The following FBLN5 variants were observed in gnomAD, a reference collection of about 807,000 sequenced individuals.
FBLN5 encodes fibulin 5.
A neutral mutation model predicts 61.6 loss-of-function variants in FBLN5; 24 were observed. The ratio of observed to expected loss-of-function variants is 0.39; its 90% confidence interval spans 0.28 to 0.55. The LOEUF (loss-of-function observed/expected upper bound fraction) is 0.55. Ranked by LOEUF, FBLN5 falls within the 20% of genes least tolerant of loss-of-function variation. FBLN5 has a pLI of 0.65. For synonymous variants in FBLN5, 213 were observed against 219.8 expected, an observed-to-expected ratio of 0.97 and a Z score of 0.27; for missense variants, 470 against 594.1, an observed-to-expected ratio of 0.79 and a Z score of 2.17.
chr14:91,945,477 C>T lies in FBLN5; in HGVS notation c.17+1736G>A, dbSNP rs540527342. Among the ~76,000 whole-genome samples the T allele has an allele frequency of 3.2e-4, 49 of 152,240 alleles. No individual in the cohort carries two copies. The South Asian group carries it at 3.5e-3, about 11-fold the overall frequency. The stretch of plus-strand genomic sequence containing the variant: ...GCCATAACAACCAGGCTGTGGGTAG[C>T]AACAAGACTTCCTGGAGAAGGTGAT... On this transcript the variant is annotated intron_variant, in intron 1 of 10. Coordinates refer to ENST00000342058, the MANE Select transcript of FBLN5 (RefSeq NM_006329.4).
At chr14:91,884,052 A>T (rs1231858916) in intron 7 of FBLN5, among the ~76,000 whole-genome samples, 1 of 152,192 alleles carries the variant, frequency 6.6e-6, no homozygotes, top group African/African-American at 2.4e-5. Context: ...CCCATGTGAC[A>T]TGTCCTCGGA....
At chr14:91,926,930 A>G (rs1469459971) in intron 4 of FBLN5, among the ~76,000 whole-genome samples, 1 of 152,148 alleles carries the variant, frequency 6.6e-6, no homozygotes, top group Non-Finnish European at 1.5e-5. Flanking sequence ...GACACACTCA[A>G]AGGATTTAAA....
chr14:91,877,335 G>A, intron 10 of FBLN5, 152 bp downstream of exon 10: 2 of 681,874 alleles, frequency 2.9e-6, no homozygotes. Flanking sequence ...GAAAGTGGTG[G>A]AAACCAGGAC....
chr14:91,945,179 C>T (rs1381042833), intron 1 of FBLN5, among the ~76,000 whole-genome samples: 3 of 149,588 alleles, frequency 2.0e-5, no homozygotes, highest in Non-Finnish European at 4.4e-5. Context: ...TGCAGGGAGC[C>T]GAGATTGCGC....
chr14:91,938,524 T>C (rs1430685451), intron 3 of FBLN5: 3 of 152,404 alleles, frequency 2.0e-5, no homozygotes, highest in Non-Finnish European at 4.4e-5. Flanking sequence ...AGCTAGTTGC[T>C]TGTTAAGAAA....
chr14:91,915,242 T>C (rs1354351898), intron 4 of FBLN5, among the ~76,000 whole-genome samples: 1 of 151,182 alleles, frequency 6.6e-6, no homozygotes, highest in African/African-American at 2.4e-5. Context: ...TCAGCAAAGA[T>C]CAAATAGATA....
chr14:91,898,214 G>A (rs567365869), intron 4 of FBLN5, among the ~76,000 whole-genome samples: 1 of 151,812 alleles, frequency 6.6e-6, no homozygotes, highest in Non-Finnish European at 1.5e-5. Flanking sequence ...TTTTTGGCGG[G>A]GGGGGCGGAA....
intron 4 of FBLN5, among the ~76,000 whole-genome samples, chr14:91,919,394 G>A (rs200566752): frequency 0.035 from 4,141 of 118,864 alleles, 183 homozygotes; most frequent in East Asian, 0.19. Context: ...AGAAAGAAAG[G>A]AAGGAAGGAA....
intron 1 of FBLN5, among the ~76,000 whole-genome samples, chr14:91,944,348 G>A: frequency 6.6e-6 from 1 of 152,252 alleles, no homozygotes; most frequent in Non-Finnish European, 1.5e-5. Context: ...AAACTCCTGT[G>A]CACTGTTGGT....
chr14:91,917,468 C>T (rs1166524601), intron 4 of FBLN5, among the ~76,000 whole-genome samples: 3 of 148,166 alleles, frequency 2.0e-5, no homozygotes, highest in Non-Finnish European at 3.0e-5. Flanking sequence ...CCCAGCTACT[C>T]GGGAGGCTGA....
chr14:91,911,626 G>A (rs897252496), intron 4 of FBLN5, among the ~76,000 whole-genome samples: 3 of 152,228 alleles, frequency 2.0e-5, no homozygotes, highest in Non-Finnish European at 2.9e-5. Flanking sequence ...CTTCCAGCAA[G>A]TCTTTCTCAG....
Position 91,943,033 on chromosome 14 carries a change from G to T in FBLN5, c.18-72C>A. 1 of 981,178 alleles carries T rather than the reference G, an allele frequency of 1.0e-6. No homozygotes were observed. Among genetic ancestry groups the T allele is most frequent in the Non-Finnish European group, 1.6e-6 (1 of 626,060 alleles). 60.8% of individuals were successfully genotyped at this position (981,178 alleles called of 1,614,324 possible). Reference sequence around the variant, plus strand: ...TCTAGGGGAGTGTGGGTCGCATGCGGCCCGTGACGTGTAACGGTGATATCA... The same window carrying T: ...TCTAGGGGAGTGTGGGTCGCATGCGTCCCGTGACGTGTAACGGTGATATCA... On this transcript the variant is annotated intron_variant, in intron 1 of 10. Coordinates refer to ENST00000342058, the MANE Select transcript of FBLN5 (RefSeq NM_006329.4). The surrounding 1 kb of genome is among the most constrained non-coding windows in gnomAD (Gnocchi z 4.0).
At chr14:91,897,167 A>G (rs1232661253) in intron 4 of FBLN5, among the ~76,000 whole-genome samples, 2 of 151,202 alleles carry the variant, frequency 1.3e-5, no homozygotes, top group Non-Finnish European at 2.9e-5. Flanking sequence ...CCTCCACTCC[A>G]CCCTGATGTT....
chr14:91,911,459 T>A (rs1012815649), intron 4 of FBLN5, among the ~76,000 whole-genome samples: 5 of 152,088 alleles, frequency 3.3e-5, no homozygotes, highest in African/African-American at 9.7e-5. Context: ...TGGCCCTCAG[T>A]CAAGACTGGC....
chr14:91,928,149 G>GC (rs2055860712), intron 4 of FBLN5, among the ~76,000 whole-genome samples: 1 of 152,272 alleles, frequency 6.6e-6, no homozygotes, highest in African/African-American at 2.4e-5. Flanking sequence ...GCAGGTGTCA[G>GC]CAGGCATGTG....
At chr14:91,937,372 A>G (rs1019340451) in intron 3 of FBLN5, among the ~76,000 whole-genome samples, 171 bp from the exon 4 acceptor site, 1 of 152,152 alleles carries the variant, frequency 6.6e-6, no homozygotes, top group South Asian at 2.1e-4. Flanking sequence ...GTATCAAAGT[A>G]ACCAGTGTCA....
chr14:91,878,302 A>T (rs1889265893), intron 9 of FBLN5, among the ~76,000 whole-genome samples: 1 of 152,260 alleles, frequency 6.6e-6, no homozygotes, highest in African/African-American at 2.4e-5. Context: ...TTCTAATAGG[A>T]GAAATAAACC....
rs2056194726 is a variant in FBLN5, at chr14:91,946,915, A to G, written c.17+298T>C. ...ACATACAAAAATCCCTTAAAACGAC[A>G]AAGTTGCTGCCCTTTCCAGAAAAGA... On this transcript the variant is annotated intron_variant, in intron 1 of 10. Transcript: ENST00000342058. The G allele has an allele frequency of 4.1e-6, 6 of 1,459,998 alleles. No homozygotes were observed. In the South Asian group the frequency reaches 7.2e-5, roughly 18 times the overall value. 90.4% of individuals were successfully genotyped at this position (1,459,998 alleles called of 1,614,324 possible).
intron 4 of FBLN5, among the ~76,000 whole-genome samples, chr14:91,914,772 T>C (rs540222481): frequency 1.7e-4 from 26 of 150,334 alleles, no homozygotes; most frequent in African/African-American, 6.3e-4. Context: ...TATTTCTTTT[T>C]GAAAACAGCA....
Sources: allele counts gnomAD v4.1 joint callset (sites outside exome capture counted in the v4.1 genomes callset), GRCh38; gene constraint gnomAD v4.1.1; non-coding constraint Gnocchi (gnomAD v3.1); transcripts MANE v1.5; gene names NCBI Gene and HGNC (gene_info 2026-07-23, HGNC 2026-07-21).